The following ADD2 variants were observed in gnomAD, a reference collection of about 807,000 sequenced individuals.
The protein encoded by ADD2 is beta-adducin.
Under a neutral mutation model 83.0 loss-of-function variants are expected in ADD2, and 23 were observed. The ratio of observed to expected loss-of-function variants is 0.28; its 90% CI spans 0.20 to 0.39. The LOEUF is 0.39. ADD2 is among the 10% of genes least tolerant of loss of function. The pLI is 1.00. For missense variants in ADD2, 758 were observed against 944.9 expected, an observed-to-expected ratio of 0.80 and a Z score of 2.59; for synonymous variants, 375 against 375.4, an observed-to-expected ratio of 1.00 and a Z score of 0.01.
Position 70,683,717 on chromosome 2 carries a change from C to G in ADD2, c.999G>C (p.Glu333Asp). ...AGGVENLILLEQEKHRPHEVG... is the reference protein window; with the variant it reads ...AGGVENLILLDQEKHRPHEVG... ...CCTCATGGGGCCGGTGCTTCTCCTG[C>G]TCCAGGAGGATGAGGTTCTCCACTC... Residue 333 changes from glutamate to aspartate, a missense_variant, in exon 10 of 16, where the codon GAG (glutamate) becomes GAC (aspartate). By Grantham distance (45) the Glu-to-Asp change is conservative. Transcript: ENST00000264436. The G allele has an allele frequency of 6.2e-7, 1 of 1,614,154 alleles. No individual in the cohort carries two copies. Among genetic ancestry groups the G allele is most frequent in the Non-Finnish European group, 8.5e-7 (1 of 1,179,986 alleles).
chr2:70,764,812 C>T (rs782539081), intron 1 of ADD2, among the ~76,000 whole-genome samples: 21 of 151,340 alleles, frequency 1.4e-4, no homozygotes, highest in Non-Finnish European at 2.9e-4. Flanking sequence ...AGCAAGATTC[C>T]GCAAAAAAGA....
chr2:70,683,895 C>T (rs1251709795), intron 9 of ADD2, 128 bp from the exon 10 acceptor site: 7 of 1,021,698 alleles, frequency 6.9e-6, no homozygotes, highest in Admixed American at 3.3e-5. Flanking sequence ...GAGAAAGAGC[C>T]ACCCATACTT....
intron 1 of ADD2, among the ~76,000 whole-genome samples, chr2:70,753,623 G>A (rs1340277362): frequency 8.6e-5 from 13 of 152,038 alleles, no homozygotes; most frequent in East Asian, 1.9e-4. Flanking sequence ...GGAGAGCTCC[G>A]GGATCACTGT....
intron 13 of ADD2, 93 bp from the exon 14 acceptor site, chr2:70,674,918 G>C: frequency 1.3e-6 from 2 of 1,511,994 alleles, no homozygotes; most frequent in Non-Finnish European, 1.8e-6. Flanking sequence ...GGCTGCAAGC[G>C]GTCTTGCTAG....
At chr2:70,751,263 G>C (rs1466046191) in intron 1 of ADD2, among the ~76,000 whole-genome samples, 2 of 152,190 alleles carry the variant, frequency 1.3e-5, no homozygotes, top group Non-Finnish European at 2.9e-5. Flanking sequence ...TTGTTACTCA[G>C]AAACCTAAAG....
intron 9 of ADD2, among the ~76,000 whole-genome samples, chr2:70,685,402 G>A (rs1574240207): frequency 6.6e-6 from 1 of 152,148 alleles, no homozygotes; most frequent in East Asian, 1.9e-4. Flanking sequence ...TATTATCTAC[G>A]CCCTTCTCGT....
Position 70,658,951 on chromosome 2 carries a change from T to C in ADD2, c.*4474A>G, listed in dbSNP as rs1675448202. On this transcript the variant is annotated 3_prime_UTR_variant, in exon 16 of 16. Coordinates refer to ENST00000264436, the MANE Select transcript of ADD2 (RefSeq NM_001617.4). ...CGAGGTCAGGAGTTCAAGACCAGCC[T>C]GGCCAACATGGTGAAACCCCGTCTC... 1 of 152,008 alleles carries C rather than the reference T, an allele frequency of 6.6e-6. No individual in the cohort carries two copies. The highest frequency in any genetic ancestry group is 2.1e-4 in the South Asian group (1 of 4,810). The allele number at this position is 152,008 out of a possible 1,614,324, so 9.4% of individuals were successfully genotyped here.
chr2:70,697,676 A>G (rs1185123165), intron 4 of ADD2, among the ~76,000 whole-genome samples: 4 of 152,152 alleles, frequency 2.6e-5, no homozygotes, highest in Non-Finnish European at 4.4e-5. Context: ...CTGCAGTACG[A>G]TGTATATCCT....
intron 4 of ADD2, among the ~76,000 whole-genome samples, chr2:70,700,742 T>C (rs988801559): frequency 6.6e-6 from 1 of 152,094 alleles, no homozygotes; most frequent in East Asian, 1.9e-4. Context: ...GGAATGAGAA[T>C]GGGATGTTAT....
chr2:70,760,493 C>T lies in ADD2; in HGVS notation c.-154+7393G>A, dbSNP rs1574333638. 3 of 152,274 alleles carry T rather than the reference C, an allele frequency of 2.0e-5. 1 individual carries two copies. The East Asian group carries it at 5.8e-4, about 29-fold the overall frequency. 9.4% of individuals were successfully genotyped at this position (152,274 alleles called of 1,614,324 possible). On this transcript the variant is annotated intron_variant, in intron 1 of 15. Coordinates refer to ENST00000264436, the MANE Select transcript of ADD2 (RefSeq NM_001617.4). ...AGATGTTATAACAATGAATAAGATA[C>T]AAATGGTACAGTTCTAATTTTTTAA...
chr2:70,739,965 C>A (rs1208202066), intron 1 of ADD2, among the ~76,000 whole-genome samples: 1 of 152,086 alleles, frequency 6.6e-6, no homozygotes, highest in Non-Finnish European at 1.5e-5. Flanking sequence ...ACAATAAATC[C>A]CCGTGACACA....
chr2:70,734,378 CAT>C (rs145459038), intron 1 of ADD2, among the ~76,000 whole-genome samples: 2,984 of 152,138 alleles, frequency 0.02, 46 homozygotes, highest in Middle Eastern at 0.027. Context: ...AGCACACACA[CAT>C]GTTGCTCTAG....
intron 1 of ADD2, among the ~76,000 whole-genome samples, chr2:70,754,975 C>A (rs1674697226): frequency 6.6e-6 from 1 of 152,124 alleles, no homozygotes; most frequent in African/African-American, 2.4e-5. Context: ...CCTTGCAAAA[C>A]ACCTCTAACT....
chr2:70,719,357 A>G (rs1553376941), intron 1 of ADD2, among the ~76,000 whole-genome samples: 1 of 152,218 alleles, frequency 6.6e-6, no homozygotes. Context: ...GGACAGGGGC[A>G]TGGGAGGCGG....
rs749817087 is a variant in ADD2, at chr2:70,696,753, T to A, written c.323-357A>T. On this transcript the variant is annotated intron_variant, in intron 4 of 15. Transcript: ENST00000264436. Reference sequence around the variant, plus strand: ...AAACCTCTGAGTGGAAACATGGGTATATTTCATCAGTTATTATTAATGAAG... The same window carrying A: ...AAACCTCTGAGTGGAAACATGGGTAAATTTCATCAGTTATTATTAATGAAG... Among the ~76,000 whole-genome samples, 57 of 152,322 alleles carry A rather than the reference T, an allele frequency of 3.7e-4. 1 individual carries two copies. Among genetic ancestry groups the A allele is most frequent in the South Asian group, 2.1e-4 (1 of 4,826 alleles).
At chr2:70,675,948 TC>T (rs1433145303) in intron 13 of ADD2, 1 of 985,340 alleles carries the variant, frequency 1.0e-6, no homozygotes, top group Non-Finnish European at 1.2e-6. Context: ...TATTCAGTGT[TC>T]CCCATCTTGG....
At chr2:70,690,541 A>G (rs1670973606) in intron 8 of ADD2, among the ~76,000 whole-genome samples, 1 of 152,228 alleles carries the variant, frequency 6.6e-6, no homozygotes, top group Admixed American at 6.5e-5. Context: ...ATATTTAATA[A>G]CATACAAAGG....
At chr2:70,707,277 C>T (rs1013705166) in intron 2 of ADD2, among the ~76,000 whole-genome samples, 2 of 152,210 alleles carry the variant, frequency 1.3e-5, no homozygotes, top group Non-Finnish European at 1.5e-5. Context: ...TCTCCAATCC[C>T]ATTCAACTCA....
chr2:70,746,607 C>G (rs1674211578), intron 1 of ADD2, among the ~76,000 whole-genome samples: 1 of 152,202 alleles, frequency 6.6e-6, no homozygotes, highest in Non-Finnish European at 1.5e-5. Context: ...CAGTCTGACT[C>G]TACCACTTCC....
Sources: allele counts gnomAD v4.1 joint callset (sites outside exome capture counted in the v4.1 genomes callset), GRCh38; gene constraint gnomAD v4.1.1; transcripts MANE v1.5; gene names NCBI Gene and HGNC (gene_info 2026-07-23, HGNC 2026-07-21).